The following ADGRF5 variants were observed in gnomAD, a reference collection of about 807,000 sequenced individuals.
ADGRF5 encodes the protein adhesion G protein-coupled receptor F5.
ADGRF5 carries 75 observed loss-of-function variants against 132.3 expected under a neutral mutation model. The observed-to-expected ratio is 0.57, with a 90% CI of 0.47 to 0.69. ADGRF5 has a LOEUF of 0.69. Ranked by LOEUF, ADGRF5 falls within the 30% of genes least tolerant of loss-of-function variation. The probability of loss-of-function intolerance (pLI) is 0.00; values close to 1 mark genes in which losing one functional copy is unlikely to be tolerated. For missense variants in ADGRF5, 1,516 were observed against 1,630.6 expected, an observed-to-expected ratio of 0.93 and a Z score of 1.21; for synonymous variants, 629 against 597.6, an observed-to-expected ratio of 1.05 and a Z score of -0.77.
chr6:46,917,687 G>A (rs1004932451), intron 1 of ADGRF5, among the ~76,000 whole-genome samples: 11 of 151,906 alleles, frequency 7.2e-5, no homozygotes, highest in Admixed American at 2.0e-4. Flanking sequence ...CCCCCCACAG[G>A]CCCCTGTGTG....
At chr6:46,875,377 C>A (rs1040214334) in intron 10 of ADGRF5, among the ~76,000 whole-genome samples, 7 of 152,096 alleles carry the variant, frequency 4.6e-5, no homozygotes, top group African/African-American at 1.7e-4. Context: ...TTTTGTTGTT[C>A]AAAATTAGAT....
intron 3 of ADGRF5, among the ~76,000 whole-genome samples, chr6:46,889,552 A>ATGTGTG (rs1311137841): frequency 1.6e-5 from 2 of 124,266 alleles, no homozygotes; most frequent in African/African-American, 3.1e-5. Flanking sequence ...CTATATATAT[A>ATGTGTG]TGTGTGTGTG....
rs1768666392 is a variant in ADGRF5, at chr6:46,853,148, A to C, written c.*844T>G. On this transcript the variant is annotated 3_prime_UTR_variant, in exon 21 of 21. Coordinates refer to ENST00000283296, the MANE Select transcript of ADGRF5 (RefSeq NM_001098518.2). ...AAAAATTTAATCAGCACTTGGATCT[A>C]ATGACATATCTTTGTAATACTTCCT... 1 of 152,484 alleles carries C rather than the reference A, an allele frequency of 6.6e-6. No individual in the cohort carries two copies. The highest frequency in any genetic ancestry group is 2.4e-5 in the African/African-American group (1 of 41,426). The allele number at this position is 152,484 out of a possible 1,614,324, so 9.4% of individuals were successfully genotyped here.
intron 14 of ADGRF5, among the ~76,000 whole-genome samples, chr6:46,864,040 G>T (rs1770086478): frequency 1.3e-5 from 2 of 152,152 alleles, no homozygotes; most frequent in South Asian, 4.1e-4. Flanking sequence ...AACAATCTTG[G>T]TGATAACGAT....
chr6:46,893,090 A>G (rs1334997618), intron 3 of ADGRF5, among the ~76,000 whole-genome samples: 2 of 73,668 alleles, frequency 2.7e-5, no homozygotes, highest in East Asian at 1.2e-3. Context: ...TTTTTGTAGA[A>G]TGGTTACAAA....
Position 46,861,116 on chromosome 6 carries a change from G to A in ADGRF5, c.2200-222C>T, listed in dbSNP as rs367921731. Among the ~76,000 whole-genome samples, 8 of 152,312 alleles carry A rather than the reference G, an allele frequency of 5.3e-5. 1 individual carries two copies. The East Asian group carries it at 1.3e-3, about 26-fold the overall frequency. On this transcript the variant is annotated intron_variant, in intron 15 of 20. Coordinates refer to ENST00000283296, the MANE Select transcript of ADGRF5 (RefSeq NM_001098518.2). ...GGCCACACACAGAAGGGGAACAAAT[G>A]TATGTCAACCTGATAGCTAATTGGA...
chr6:46,885,312 A>G (rs928395512), intron 4 of ADGRF5, among the ~76,000 whole-genome samples: 1 of 152,104 alleles, frequency 6.6e-6, no homozygotes, highest in Non-Finnish European at 1.5e-5. Flanking sequence ...TAGATTATTT[A>G]TAAACTTACA....
intron 19 of ADGRF5, among the ~76,000 whole-genome samples, chr6:46,856,298 G>T (rs865943122): frequency 4.6e-5 from 7 of 152,210 alleles, no homozygotes; most frequent in Middle Eastern, 3.2e-3. Flanking sequence ...AAGGCAGTCA[G>T]ATATATCCAA....
chr6:46,872,147 G>A, intron 10 of ADGRF5, 134 bp from the exon 11 acceptor site: 1 of 625,480 alleles, frequency 1.6e-6, no homozygotes, highest in Non-Finnish European at 2.6e-6. Flanking sequence ...GAGAAGTTGG[G>A]TTTATGGTGA....
chr6:46,864,005 G>A (rs768712830), intron 14 of ADGRF5, among the ~76,000 whole-genome samples: 12 of 152,184 alleles, frequency 7.9e-5, no homozygotes, highest in Admixed American at 3.9e-4. Flanking sequence ...ATGTGAGAAT[G>A]ACCACAAACT....
At chr6:46,915,980 G>A (rs79690154) in intron 1 of ADGRF5, among the ~76,000 whole-genome samples, 2,828 of 152,002 alleles carry the variant, frequency 0.019, 73 homozygotes, top group African/African-American at 0.063. Flanking sequence ...CAAGGCTCCC[G>A]AGCTTATGCC....
intron 3 of ADGRF5, among the ~76,000 whole-genome samples, chr6:46,895,291 C>A (rs754829802): frequency 2.0e-5 from 3 of 151,814 alleles, no homozygotes; most frequent in Non-Finnish European, 4.4e-5. Context: ...CAAAACACTC[C>A]CAACATTAAA....
rs1772231355 is a variant in ADGRF5 at position 46,879,710 on chromosome 6, G to A, written c.1036+108C>T. ...AAGGTTGAACCAGGAGACTTATTTT[G>A]GAAGAGAAAAACACTATCTACATAG... is the stretch of plus-strand genomic sequence containing the variant. On this transcript the variant is annotated intron_variant, in intron 9 of 20. Transcript: ENST00000283296. 3 of 772,024 alleles carry A rather than the reference G, an allele frequency of 3.9e-6. 1 individual carries two copies. In the South Asian group the frequency reaches 4.9e-5, roughly 13 times the overall value. The allele number at this position is 772,024 out of a possible 1,614,324, so 47.8% of individuals were successfully genotyped here. A position where few individuals can be genotyped will look rare whatever the true frequency, so the allele number is the denominator to read the frequency against.
intron 1 of ADGRF5, among the ~76,000 whole-genome samples, chr6:46,936,925 G>A (rs531161452): frequency 6.6e-6 from 1 of 152,248 alleles, no homozygotes; most frequent in African/African-American, 2.4e-5. Context: ...CAGATCCTGG[G>A]GGATCCCCCT....
At position 46,865,068 on chromosome 6, in the gene ADGRF5, G is replaced by C. The variant is rs367575637; in HGVS notation, c.1964C>G (p.Pro655Arg). ...AGGAACCAGATTCAGCTTCATAGATGGGCTCCAGACTGAATTATTAGCAGC... is the reference window on the plus strand; with the variant it reads ...AGGAACCAGATTCAGCTTCATAGATCGGCTCCAGACTGAATTATTAGCAGC... ...TNAANNSVWS[P>R]SMKLNLVPGE... Residue 655 changes from proline to arginine, a missense_variant, in exon 14 of 21, where the codon CCA becomes CGA. Transcript: ENST00000283296. The C allele has an allele frequency of 1.2e-5, 20 of 1,608,650 alleles. No homozygotes were observed. Among genetic ancestry groups the C allele is most frequent in the African/African-American group, 1.2e-4 (9 of 74,900 alleles).
chr6:46,897,101 T>C (rs984269412), intron 3 of ADGRF5, among the ~76,000 whole-genome samples: 15 of 149,670 alleles, frequency 1.0e-4, no homozygotes, highest in Non-Finnish European at 1.9e-4. Context: ...CACACACTCA[T>C]ATACATGTAT....
At position 46,852,938 on chromosome 6, in the gene ADGRF5, A is replaced by G. The variant is rs1445814342; in HGVS notation, c.*1054T>C. On this transcript the variant is annotated 3_prime_UTR_variant, in exon 21 of 21. Coordinates refer to ENST00000283296, the MANE Select transcript of ADGRF5 (RefSeq NM_001098518.2). ...AACAGCAATAATAATATACAATGCT[A>G]TAAGATTATTAAAATCTATTCTATA... The G allele has an allele frequency of 6.6e-6, 1 of 152,670 alleles. No individual in the cohort carries two copies. Among genetic ancestry groups the G allele is most frequent in the Non-Finnish European group, 1.5e-5 (1 of 68,044 alleles). The allele number at this position is 152,670 out of a possible 1,614,324, so 9.5% of individuals were successfully genotyped here.
At chr6:46,884,747 T>A (rs1772870562) in intron 4 of ADGRF5, among the ~76,000 whole-genome samples, 2 of 152,196 alleles carry the variant, frequency 1.3e-5, no homozygotes, top group South Asian at 4.1e-4. Context: ...TTCCTCTTGG[T>A]TGCTCTCTCT....
Position 46,858,834 on chromosome 6 carries a change from G to A in ADGRF5, c.3069C>T (p.Ser1023=). Reference sequence around the variant, plus strand: ...CTAGACAGGCTGCCAAGCTCAAGATGGAAAAGCCCACCCCAACATAAGAAA... The same window carrying A: ...CTAGACAGGCTGCCAAGCTCAAGATAGAAAAGCCCACCCCAACATAAGAAA... ...DIISYVGVGF[S]ILSLAACLVV... is the part of the protein sequence containing the mutation. The change falls in exon 17 of 21, where the codon TCC becomes TCT. Residue 1023 remains serine, a synonymous_variant. Coordinates refer to ENST00000283296, the MANE Select transcript of ADGRF5 (RefSeq NM_001098518.2). 2 of 1,614,038 alleles carry A rather than the reference G, an allele frequency of 1.2e-6. No individual in the cohort carries two copies. Among genetic ancestry groups the A allele is most frequent in the South Asian group, 1.1e-5 (1 of 91,070 alleles).
Sources: allele counts gnomAD v4.1 joint callset (sites outside exome capture counted in the v4.1 genomes callset), GRCh38; gene constraint gnomAD v4.1.1; transcripts MANE v1.5; gene names NCBI Gene and HGNC (gene_info 2026-07-23, HGNC 2026-07-21).